DLG5: variants seen among roughly 807,000 people sequenced by gnomAD.
DLG5 encodes disks large homolog 5.
In DLG5, 48 loss-of-function variants were observed where a neutral mutation model predicts 189.8. The ratio of observed to expected loss-of-function variants is 0.25; its 90% CI spans 0.20 to 0.32. The LOEUF (loss-of-function observed/expected upper bound fraction) is 0.32, where lower values mean the gene tolerates loss of function less well. Ranked by LOEUF, DLG5 falls within the 10% of genes least tolerant of loss-of-function variation. The pLI is 1.00. For missense variants in DLG5, 2,160 were observed against 2,544.7 expected (o/e 0.85, Z 3.25); for synonymous variants, 1,016 against 1,054.1 (o/e 0.96, Z 0.70).
chr10:77,915,240 T>C (rs1846325517), intron 1 of DLG5, among the ~76,000 whole-genome samples: 2 of 151,822 alleles, frequency 1.3e-5, no homozygotes, highest in Admixed American at 1.3e-4. Flanking sequence ...GGCAGGAGAA[T>C]TGCTTGAACC....
chr10:77,847,921 G>A (rs1257853749), intron 5 of DLG5, among the ~76,000 whole-genome samples: 2 of 152,092 alleles, frequency 1.3e-5, no homozygotes, highest in African/African-American at 4.8e-5. Flanking sequence ...TGCCCAGGCT[G>A]GTCTTGAACT....
intron 1 of DLG5, among the ~76,000 whole-genome samples, chr10:77,908,124 C>T (rs1846117460): frequency 6.6e-6 from 1 of 152,130 alleles, no homozygotes; most frequent in Non-Finnish European, 1.5e-5. Flanking sequence ...CCCCTCTCTC[C>T]TTAGCCATGC....
chr10:77,864,371 GCA>G (rs542951671), intron 2 of DLG5, among the ~76,000 whole-genome samples: 1 of 152,316 alleles, frequency 6.6e-6, no homozygotes, highest in Non-Finnish European at 1.5e-5. Context: ...CAGTGGCAGA[GCA>G]CAGTCATCAG....
At chr10:77,853,559 C>G (rs1313193111) in intron 4 of DLG5, 22 bp from the exon 5 acceptor site, 2 of 1,540,454 alleles carry the variant, frequency 1.3e-6, no homozygotes, top group African/African-American at 1.4e-5. Flanking sequence ...GGTACATGCT[C>G]AGTGAGCCCC....
At chr10:77,920,907 G>A (rs1846516515) in intron 1 of DLG5, among the ~76,000 whole-genome samples, 2 of 152,198 alleles carry the variant, frequency 1.3e-5, no homozygotes, top group Non-Finnish European at 2.9e-5. Flanking sequence ...TTCTACCTAA[G>A]ATGATCTGAG....
intron 5 of DLG5, among the ~76,000 whole-genome samples, chr10:77,850,913 T>A (rs1843938811): frequency 6.6e-6 from 1 of 152,238 alleles, no homozygotes; most frequent in Admixed American, 6.5e-5. Context: ...TCTGAAATGA[T>A]GATTCTCTCA....
chr10:77,882,486 AG>A (rs1435793668), intron 1 of DLG5, among the ~76,000 whole-genome samples: 3 of 152,202 alleles, frequency 2.0e-5, no homozygotes, highest in African/African-American at 7.2e-5. Flanking sequence ...AATCTTTCCC[AG>A]TCTTCCTTCA....
chr10:77,807,678 G>T, intron 25 of DLG5, 118 bp downstream of exon 25: 3 of 1,225,808 alleles, frequency 2.4e-6, no homozygotes, highest in Non-Finnish European at 2.3e-6. Context: ...AAGGAATGAT[G>T]ATCATGGCCC....
chr10:77,931,878 C>G, the DLG5 span, among the ~76,000 whole-genome samples: 1 of 152,168 alleles, frequency 6.6e-6, no homozygotes, highest in Non-Finnish European at 1.5e-5. Flanking sequence ...TTCTGCATCT[C>G]TAAAGTGGCA....
chr10:77,834,165 A>G, intron 8 of DLG5, 126 bp from the exon 9 acceptor site: 2 of 1,319,760 alleles, frequency 1.5e-6, no homozygotes, highest in Non-Finnish European at 2.0e-6. Flanking sequence ...CCCCAGATGC[A>G]CAGGAACACT....
At chr10:77,887,140 G>GC (rs1488272463) in intron 1 of DLG5, among the ~76,000 whole-genome samples, 1 of 152,088 alleles carries the variant, frequency 6.6e-6, no homozygotes, top group African/African-American at 2.4e-5. Flanking sequence ...TAAAACTTCA[G>GC]CCCCCAGGAC....
intron 1 of DLG5, among the ~76,000 whole-genome samples, chr10:77,883,898 C>T (rs1385687124): frequency 6.6e-6 from 1 of 151,958 alleles, no homozygotes; most frequent in East Asian, 1.9e-4. Flanking sequence ...AGTGTTTTGC[C>T]ATGTAGGCCA....
chr10:77,812,241 G>A lies in DLG5; in HGVS notation c.4162C>T (p.Leu1388Phe). 6.2e-7 allele frequency: 1 copy of A among 1,613,952 alleles called. No individual in the cohort carries two copies. Among genetic ancestry groups the A allele is most frequent in the Non-Finnish European group, 8.5e-7 (1 of 1,179,860 alleles). Residue 1388 changes from leucine to phenylalanine, a missense_variant, in exon 21 of 32, where the codon CTC becomes TTC. Leu to Phe is a conservative substitution (Grantham distance 22). Transcript: ENST00000372391. ...TCCAGTAACTGATCCCCATACTCGA[G>A]GCCAGCCTGGTGAGCGATGCTCCCC... ...TVGSIAHQAGLEYGDQLLEFN... is the reference protein window; with the variant it reads ...TVGSIAHQAGFEYGDQLLEFN...
Position 77,817,791 on chromosome 10 carries a change from G to C in DLG5, c.3770C>G (p.Ser1257Cys). 1.3e-6 allele frequency: 2 copies of C among 1,554,334 alleles called. No homozygotes were observed. Among genetic ancestry groups the C allele is most frequent in the Admixed American group, 1.9e-5 (1 of 51,346 alleles). Residue 1257 changes from serine (S) to cysteine (C), a missense_variant, in exon 18 of 32, where the codon TCC (serine) becomes TGC (cysteine). Physicochemically the swap from Ser to Cys is moderately radical, Grantham distance 112 (BLOSUM62 -1). Coordinates refer to ENST00000372391, the MANE Select transcript of DLG5 (RefSeq NM_004747.4). ...RATHGSNSLP[S>C]SARLGSSSNL... ...GGTGCAGTTACCCAGGCGGGCGCTG[G>C]AGGGCAGTGAGTTGGACCCATGGGT...
At chr10:77,868,917 T>C (rs377053609) in intron 2 of DLG5, 14 of 564,848 alleles carry the variant, frequency 2.5e-5, no homozygotes, top group African/African-American at 1.9e-4. Context: ...TGGCAAAACA[T>C]GTGCTTCCCA....
At chr10:77,803,265 T>C (rs1055371079) in intron 27 of DLG5, among the ~76,000 whole-genome samples, 3 of 152,236 alleles carry the variant, frequency 2.0e-5, no homozygotes, top group African/African-American at 7.2e-5. Context: ...GTAAATACTC[T>C]TGATGAAACA....
chr10:77,856,987 G>A (rs1423784219), intron 2 of DLG5, 95 bp from the exon 3 acceptor site: 6 of 1,247,496 alleles, frequency 4.8e-6, no homozygotes, highest in East Asian at 2.5e-5. Flanking sequence ...TTAGCTATTC[G>A]TGACCCAACA....
At chr10:77,916,656 G>C (rs564880939) in intron 1 of DLG5, among the ~76,000 whole-genome samples, 23 of 152,160 alleles carry the variant, frequency 1.5e-4, no homozygotes, top group Admixed American at 8.5e-4. Flanking sequence ...AGGGTGCTGT[G>C]AACAGTATGG....
chr10:77,833,898 GC>G lies in DLG5; in HGVS notation c.1748+15del. ...CAGATGCATGCCCACTCCAGCGGGT[GC>G]CCACCCGAGCCTACTTGAGCTCCTT... On this transcript the variant is annotated intron_variant, in intron 9 of 31. Coordinates refer to ENST00000372391, the MANE Select transcript of DLG5 (RefSeq NM_004747.4). 1 of 1,604,590 alleles carries G rather than the reference GC, an allele frequency of 6.2e-7. No homozygotes were observed.
Sources: allele counts gnomAD v4.1 joint callset (sites outside exome capture counted in the v4.1 genomes callset), GRCh38; gene constraint gnomAD v4.1.1; transcripts MANE v1.5; gene names NCBI Gene and HGNC (gene_info 2026-07-23, HGNC 2026-07-21).